Variants in DNAH5 observed in about 807,000 individuals in gnomAD.
DNAH5 encodes the protein axonemal beta dynein heavy chain 5.
A neutral mutation model predicts 518.2 loss-of-function variants in DNAH5; 372 were observed. The ratio of observed to expected loss-of-function variants is 0.72; its 90% CI spans 0.66 to 0.78. DNAH5 has a LOEUF of 0.78. Ranked by LOEUF, DNAH5 falls within the 30% of genes least tolerant of loss-of-function variation. The pLI, the probability that DNAH5 is intolerant of heterozygous loss-of-function variation, is 0.00. For synonymous variants in DNAH5, 2,039 were observed against 2,025.9 expected (o/e 1.01, Z -0.17); for missense variants, 5,523 against 5,687.0 (o/e 0.97, Z 0.93).
At chr5:13,968,975 A>G (rs764352177) in intron 1 of DNAH5, among the ~76,000 whole-genome samples, 1 of 152,026 alleles carries the variant, frequency 6.6e-6, no homozygotes, top group Non-Finnish European at 1.5e-5. Context: ...CAATTTTTTT[A>G]TTACCATTTC....
intron 78 of DNAH5, among the ~76,000 whole-genome samples, chr5:13,695,254 G>C (rs1278952887): frequency 6.6e-6 from 1 of 152,208 alleles, no homozygotes; most frequent in South Asian, 2.1e-4. Context: ...CCTGGCCCTC[G>C]GCTCACAGTC....
intron 1 of DNAH5, among the ~76,000 whole-genome samples, chr5:13,995,556 A>T (rs1270603617): frequency 6.6e-6 from 1 of 152,208 alleles, no homozygotes; most frequent in African/African-American, 2.4e-5. Flanking sequence ...TATTAAACTG[A>T]ATATTTACTT....
chr5:13,778,014 A>T (rs1352256365), intron 53 of DNAH5, among the ~76,000 whole-genome samples: 1 of 152,200 alleles, frequency 6.6e-6, no homozygotes, highest in Non-Finnish European at 1.5e-5. Flanking sequence ...GGAGTGCTAC[A>T]TTATGCCAAA....
chr5:14,005,491 G>A (rs1198534249), intron 1 of DNAH5, among the ~76,000 whole-genome samples: 2 of 152,180 alleles, frequency 1.3e-5, no homozygotes, highest in Non-Finnish European at 2.9e-5. Context: ...CTTAACTGCT[G>A]CTGTGCCTGT....
chr5:13,769,662 G>C, intron 56 of DNAH5, 47 bp from the exon 57 acceptor site: 1 of 1,484,944 alleles, frequency 6.7e-7, no homozygotes, highest in East Asian at 2.3e-5. Context: ...TGTAGGACTT[G>C]GATGCAATTC....
chr5:13,951,678 C>T (rs896266176), intron 1 of DNAH5, among the ~76,000 whole-genome samples: 2 of 152,174 alleles, frequency 1.3e-5, no homozygotes, highest in Non-Finnish European at 2.9e-5. Context: ...CACCAGCCTG[C>T]ACCCTCCTGT....
intron 1 of DNAH5, among the ~76,000 whole-genome samples, chr5:14,008,976 C>T (rs12517769): frequency 0.36 from 54,421 of 152,128 alleles, 10,343 homozygotes; most frequent in East Asian, 0.81. Context: ...CAAACTGATC[C>T]ATGTCCTGTC....
chr5:13,820,824 C>CAA (rs70964510), intron 40 of DNAH5, among the ~76,000 whole-genome samples: 808 of 66,208 alleles, frequency 0.012, 19 homozygotes, highest in East Asian at 0.047. Flanking sequence ...TACTCCGTCT[C>CAA]AAAAAAAAAA....
intron 65 of DNAH5, among the ~76,000 whole-genome samples, 156 bp from the exon 66 acceptor site, chr5:13,737,651 G>A (rs74779633): frequency 0.014 from 2,117 of 152,198 alleles, 44 homozygotes; most frequent in African/African-American, 0.048. Flanking sequence ...AGGGCCGGGC[G>A]CAGGGGCTCA....
intron 1 of DNAH5, among the ~76,000 whole-genome samples, chr5:14,001,001 A>G (rs534211281): frequency 3.3e-5 from 5 of 152,192 alleles, no homozygotes; most frequent in Non-Finnish European, 7.4e-5. Flanking sequence ...AGCAACATGG[A>G]TACAGCTGGA....
At chr5:13,905,867 T>C (rs1775222549) in intron 12 of DNAH5, among the ~76,000 whole-genome samples, 1 of 152,188 alleles carries the variant, frequency 6.6e-6, no homozygotes, top group Admixed American at 6.5e-5. Flanking sequence ...AACTTGGAAG[T>C]AACCAAGATA....
At chr5:13,835,850 G>A (rs34834502) in intron 35 of DNAH5, among the ~76,000 whole-genome samples, 7,718 of 152,156 alleles carry the variant, frequency 0.051, 281 homozygotes, top group Non-Finnish European at 0.077. Flanking sequence ...TGTCCGTAGC[G>A]TTTATCTAAT....
chr5:13,943,302 A>G (rs1316702695), intron 1 of DNAH5, among the ~76,000 whole-genome samples: 2 of 152,220 alleles, frequency 1.3e-5, no homozygotes, highest in Admixed American at 1.3e-4. Context: ...AAATGGAGAG[A>G]ACTCGCAATC....
intron 43 of DNAH5, 102 bp downstream of exon 43, chr5:13,814,503 G>T (rs960690702): frequency 3.6e-6 from 4 of 1,112,164 alleles, no homozygotes; most frequent in African/African-American, 1.6e-5. Context: ...GCATAAAAAT[G>T]CAGTTACACT....
At chr5:13,893,909 T>C (rs1251745198) in intron 16 of DNAH5, among the ~76,000 whole-genome samples, 9 of 138,292 alleles carry the variant, frequency 6.5e-5, no homozygotes, top group Admixed American at 1.4e-4. Flanking sequence ...TGTCTAAGTC[T>C]TTCTGAGAAA....
At position 13,719,051 on chromosome 5, in the gene DNAH5, A is replaced by G. The variant is rs1744694724; in HGVS notation, c.12330T>C (p.Asp4110=). 1 of 1,613,964 alleles carries G rather than the reference A, an allele frequency of 6.2e-7. No homozygotes were observed. The highest frequency in any genetic ancestry group is 1.3e-5 in the African/African-American group (1 of 74,916). Residue 4110 remains aspartate, a synonymous_variant, in exon 72 of 79, where the codon GAT becomes GAC. Coordinates refer to ENST00000265104, the MANE Select transcript of DNAH5 (RefSeq NM_001369.3). ...TTTCTATGATTATGTCCATCAGCTC[A>G]TCCATGAAATCAAGTCCCAGATGGC... ...QNCHLGLDFM[D]ELMDIIIETE...
At chr5:13,938,233 T>C (rs533335111) in intron 1 of DNAH5, among the ~76,000 whole-genome samples, 1 of 152,196 alleles carries the variant, frequency 6.6e-6, no homozygotes, top group Admixed American at 6.5e-5. Context: ...TGATCCAGGA[T>C]CACCCAAAGC....
At chr5:13,774,489 G>T (rs1056903309) in intron 55 of DNAH5, among the ~76,000 whole-genome samples, 2 of 152,076 alleles carry the variant, frequency 1.3e-5, no homozygotes, top group Non-Finnish European at 2.9e-5. Flanking sequence ...AAAATTGATG[G>T]CACGTATTAT....
chr5:13,748,881 T>A (rs1749801670), intron 65 of DNAH5, among the ~76,000 whole-genome samples: 2 of 152,060 alleles, frequency 1.3e-5, no homozygotes, highest in South Asian at 4.1e-4. Context: ...TTCTTTCTCC[T>A]GCTTGATTGC....
Sources: gnomAD v4.1 joint callset for allele counts (sites outside exome capture counted in the v4.1 genomes callset) on GRCh38, gnomAD v4.1.1 for gene constraint, MANE v1.5 for transcripts, NCBI Gene and HGNC (gene_info 2026-07-23, HGNC 2026-07-21) for gene names.